The following LRRK1 variants were observed in gnomAD, a reference collection of about 807,000 sequenced individuals.
LRRK1 encodes leucine rich repeat kinase 1.
A neutral mutation model predicts 209.1 loss-of-function variants in LRRK1; 113 were observed. That is an observed-to-expected ratio of 0.54 (90% CI 0.46 to 0.63). LRRK1 has a LOEUF of 0.63. LRRK1 is among the 30% of genes least tolerant of loss of function. LRRK1 has a pLI of 0.00. For synonymous variants in LRRK1, 1,144 were observed against 1,099.7 expected, an observed-to-expected ratio of 1.04 and a Z score of -0.80; for missense variants, 2,284 against 2,632.2, an observed-to-expected ratio of 0.87 and a Z score of 2.89.
chr15:101,053,546 G>C (rs1046209490), intron 26 of LRRK1, 126 bp downstream of exon 26: 3 of 800,376 alleles, frequency 3.7e-6, no homozygotes, highest in African/African-American at 1.7e-5. Context: ...CCCATGGCTC[G>C]TGTGACCATC....
intron 2 of LRRK1, among the ~76,000 whole-genome samples, chr15:100,956,455 C>CTTTTTCTTTTCTTTTCTTT: frequency 0.01 from 634 of 60,524 alleles, 46 homozygotes; most frequent in Admixed American, 0.027. Context: ...TTTTTTTTTT[C>CTTTTTCTTTTCTTTTCTTT]TTTTTTTTTT....
chr15:101,010,666 T>C lies in LRRK1; in HGVS notation c.1118-8T>C. 3.1e-6 allele frequency: 5 copies of C among 1,589,394 alleles called. No homozygotes were observed. The highest frequency in any genetic ancestry group is 4.3e-6 in the Non-Finnish European group (5 of 1,172,866). On this transcript the variant is annotated splice_polypyrimidine_tract_variant and splice_region_variant and intron_variant, in intron 8 of 33. Coordinates refer to ENST00000388948, the MANE Select transcript of LRRK1 (RefSeq NM_024652.6). ...ATTCATACTTTGGGTCTTTTTTTTT[T>C]TTTTTAGCCACTAACTGGATAGGTT...
intron 1 of LRRK1, chr15:100,920,061 T>G (rs1360596492): frequency 6.6e-6 from 1 of 152,458 alleles, no homozygotes; most frequent in Non-Finnish European, 1.5e-5. Context: ...ATACAACTGC[T>G]CTGTCTACCA....
At chr15:100,962,802 T>TATACATATATATATATATATATATAC (rs1245903596) in intron 2 of LRRK1, among the ~76,000 whole-genome samples, 1 of 18,132 alleles carries the variant, frequency 5.5e-5, no homozygotes, top group Non-Finnish European at 1.6e-4. Context: ...TGCATATATA[T>TATACATATATATATATATATATATAC]ATATATATAT....
At chr15:101,044,528 C>T (rs1268330734) in intron 20 of LRRK1, among the ~76,000 whole-genome samples, 2 of 152,244 alleles carry the variant, frequency 1.3e-5, no homozygotes, top group Non-Finnish European at 1.5e-5. Context: ...GCCTCCACTA[C>T]CTGGAGACCA....
chr15:101,046,705 T>C (rs2035097241), intron 21 of LRRK1, among the ~76,000 whole-genome samples: 1 of 152,206 alleles, frequency 6.6e-6, no homozygotes. Flanking sequence ...TCCTCTTTGG[T>C]ATTTTTAAGG....
intron 9 of LRRK1, 77 bp downstream of exon 9, chr15:101,010,914 A>G: frequency 7.4e-7 from 1 of 1,355,830 alleles, no homozygotes; most frequent in Non-Finnish European, 1.0e-6. Flanking sequence ...CCTCAGGTGC[A>G]TTATGTCAGT....
Position 101,069,919 on chromosome 15 carries a change from T to C in LRRK1, c.*1071T>C, listed in dbSNP as rs537966493. ...ACATATGCACACACATGTGCAAACA[T>C]AGCCACTTTTTTGTCAAGAGTTACC... is the stretch of plus-strand genomic sequence containing the variant. On this transcript the variant is annotated 3_prime_UTR_variant, in exon 34 of 34. Coordinates refer to ENST00000388948, the MANE Select transcript of LRRK1 (RefSeq NM_024652.6). 6 of 152,254 alleles carry C rather than the reference T, an allele frequency of 3.9e-5. No individual in the cohort carries two copies. Among genetic ancestry groups the C allele is most frequent in the African/African-American group, 1.4e-4 (6 of 41,550 alleles). The allele number at this position is 152,254 out of a possible 1,614,324, so 9.4% of individuals were successfully genotyped here. A position where few individuals can be genotyped will look rare whatever the true frequency, so the allele number is the denominator to read the frequency against.
chr15:100,968,145 C>G (rs2030595534), intron 2 of LRRK1, among the ~76,000 whole-genome samples: 1 of 152,162 alleles, frequency 6.6e-6, no homozygotes, highest in South Asian at 2.1e-4. Flanking sequence ...GTTTCTTTCA[C>G]TCAGCATTAT....
intron 12 of LRRK1, among the ~76,000 whole-genome samples, chr15:101,020,827 T>C (rs1401341177): frequency 6.6e-6 from 1 of 152,220 alleles, no homozygotes; most frequent in African/African-American, 2.4e-5. Flanking sequence ...TAGATTGTCC[T>C]CTATCTCTGC....
chr15:101,010,937 C>G, intron 9 of LRRK1, 100 bp downstream of exon 9: 2 of 1,065,776 alleles, frequency 1.9e-6, no homozygotes, highest in Admixed American at 5.4e-5. Flanking sequence ...ATCCCCTCAG[C>G]AGCGAAGCCG....
intron 23 of LRRK1, 32 bp downstream of exon 23, chr15:101,049,815 T>G: frequency 6.2e-7 from 1 of 1,600,644 alleles, no homozygotes; most frequent in South Asian, 1.1e-5. Context: ...AAGCCCTCAT[T>G]CATGCTAATA....
intron 7 of LRRK1, among the ~76,000 whole-genome samples, chr15:101,009,961 G>T (rs987992284): frequency 2.0e-5 from 3 of 152,216 alleles, no homozygotes; most frequent in Admixed American, 2.0e-4. Context: ...GAAAAACCAA[G>T]GCTCTAAGTG....
At chr15:100,926,604 G>GC (rs1026866306) in intron 2 of LRRK1, among the ~76,000 whole-genome samples, 8 of 150,548 alleles carry the variant, frequency 5.3e-5, no homozygotes, top group African/African-American at 1.2e-4. Context: ...GGGGCAGGGG[G>GC]GCGGGGAGTG....
At chr15:100,926,518 G>C (rs550960947) in intron 2 of LRRK1, among the ~76,000 whole-genome samples, 1 of 146,318 alleles carries the variant, frequency 6.8e-6, no homozygotes, top group Admixed American at 6.8e-5. Context: ...TCTCAACCAC[G>C]GCCCACACAG....
intron 2 of LRRK1, among the ~76,000 whole-genome samples, chr15:100,960,686 G>A (rs975546352): frequency 6.6e-6 from 1 of 152,180 alleles, no homozygotes; most frequent in African/African-American, 2.4e-5. Flanking sequence ...AGCTCTTTCT[G>A]TGTGTCTCAG....
At position 101,076,768 on chromosome 15, in the gene LRRK1, A is replaced by T. The variant is rs529814014; in HGVS notation, c.*7920A>T. The T allele has an allele frequency of 2.0e-5, 3 of 152,418 alleles. No individual in the cohort carries two copies. Among genetic ancestry groups the T allele is most frequent in the African/African-American group, 7.2e-5 (3 of 41,438 alleles). 9.4% of individuals were successfully genotyped at this position (152,418 alleles called of 1,614,324 possible). On this transcript the variant is annotated 3_prime_UTR_variant, in exon 34 of 34. Coordinates refer to ENST00000388948, the MANE Select transcript of LRRK1 (RefSeq NM_024652.6). ...GCCTCCACCCAGGACTGGCAAATTG[A>T]CTTTACTCAACATGCCCCGAGTCAG...
chr15:100,973,836 C>A lies in LRRK1; in HGVS notation c.130C>A (p.Arg44=). 7.7e-7 allele frequency: 1 copy of A among 1,293,378 alleles called. No individual in the cohort carries two copies. Among genetic ancestry groups the A allele is most frequent in the Non-Finnish European group, 9.8e-7 (1 of 1,016,958 alleles). 80.1% of individuals were successfully genotyped at this position (1,293,378 alleles called of 1,614,324 possible). A position where few individuals can be genotyped will look rare whatever the true frequency, so the allele number is the denominator to read the frequency against. Residue 44 remains arginine, a synonymous_variant, in exon 3 of 34, where the codon CGG becomes AGG. Transcript: ENST00000388948. ...GGACACGGGCGGCAAGCCGTCCACG[C>A]GGGGCGGTGACCCTGCAGCGCGGTC... is the stretch of plus-strand genomic sequence containing the variant. ...AGDTGGKPST[R]GGDPAARSRR...
chr15:101,050,289 A>G (rs974325642), intron 23 of LRRK1, among the ~76,000 whole-genome samples: 17 of 152,122 alleles, frequency 1.1e-4, no homozygotes, highest in African/African-American at 3.4e-4. Context: ...CCCTTCTCAG[A>G]CCCTTTGGAT....
Sources: gnomAD v4.1 joint callset for allele counts (sites outside exome capture counted in the v4.1 genomes callset) on GRCh38, gnomAD v4.1.1 for gene constraint, MANE v1.5 for transcripts, NCBI Gene and HGNC (gene_info 2026-07-23, HGNC 2026-07-21) for gene names.